The following KCNJ6 variants were observed in gnomAD, a reference collection of about 807,000 sequenced individuals.
KCNJ6 encodes potassium inwardly rectifying channel subfamily J member 6, also known as G protein-activated inward rectifier potassium channel 2.
A neutral mutation model predicts 34.2 loss-of-function variants in KCNJ6; 9 were observed. The ratio of observed to expected loss-of-function variants is 0.26; its 90% confidence interval spans 0.16 to 0.46. The LOEUF (loss-of-function observed/expected upper bound fraction) is 0.46. KCNJ6 is among the 20% of genes least tolerant of loss of function. KCNJ6 has a pLI of 1.00. For missense variants in KCNJ6, 236 were observed against 531.3 expected, an observed-to-expected ratio of 0.44 and a Z score of 5.46; for synonymous variants, 196 against 207.1, an observed-to-expected ratio of 0.95 and a Z score of 0.46.
intron 2 of KCNJ6, among the ~76,000 whole-genome samples, chr21:37,807,266 A>C (rs778307108): frequency 1.1e-4 from 17 of 152,192 alleles, no homozygotes; most frequent in Non-Finnish European, 2.4e-4. Flanking sequence ...TATGGTTGGG[A>C]ATGAGTTATT....
chr21:37,912,041 C>G (rs146104778), intron 1 of KCNJ6, among the ~76,000 whole-genome samples: 1 of 152,120 alleles, frequency 6.6e-6, no homozygotes, highest in East Asian at 1.9e-4. Flanking sequence ...CATGTAAGTC[C>G]TATGTATTAA....
At chr21:37,716,396 T>TA (rs35979394) in intron 2 of KCNJ6, among the ~76,000 whole-genome samples, 3 of 151,178 alleles carry the variant, frequency 2.0e-5, no homozygotes, top group African/African-American at 7.3e-5. Flanking sequence ...TTTTTTTTTT[T>TA]AGAGATAGGG....
chr21:37,638,641 G>A (rs1044248758), intron 3 of KCNJ6, among the ~76,000 whole-genome samples: 3 of 152,052 alleles, frequency 2.0e-5, no homozygotes, highest in Non-Finnish European at 4.4e-5. Flanking sequence ...TTCCTTTTAA[G>A]CCTGTCCATT....
At chr21:37,665,992 C>G (rs897787685) in intron 3 of KCNJ6, among the ~76,000 whole-genome samples, 7 of 152,166 alleles carry the variant, frequency 4.6e-5, no homozygotes, top group Non-Finnish European at 1.0e-4. Flanking sequence ...CAGCTAGTTG[C>G]TGGATTGGCT....
rs2123361583 is a variant in KCNJ6, at chr21:37,625,467, G to A, written c.964C>T (p.Arg322Ter). ...ATCTCACTGGTGATGTAGGAGCTTCGAGCTTGGCATGTCATCCCTGCAGAG... is the reference window on the plus strand; with the variant it reads ...ATCTCACTGGTGATGTAGGAGCTTCAAGCTTGGCATGTCATCCCTGCAGAG... ...VEATGMTCQA[R>*]SSYITSEILW... Residue 322 changes from arginine (R) to a stop codon, truncating the protein, a stop_gained, in exon 4 of 4, where the codon CGA (arginine) becomes TGA (stop). Transcript: ENST00000609713. LOFTEE classifies it high-confidence loss of function. 3 of 1,612,922 alleles carry A rather than the reference G, an allele frequency of 1.9e-6. No individual in the cohort carries two copies. Among genetic ancestry groups the A allele is most frequent in the Non-Finnish European group, 2.5e-6 (3 of 1,179,104 alleles).
At chr21:37,716,751 G>T (rs1007061356) in intron 2 of KCNJ6, among the ~76,000 whole-genome samples, 10 of 152,132 alleles carry the variant, frequency 6.6e-5, no homozygotes, top group Non-Finnish European at 1.5e-4. Flanking sequence ...CATTAGGAAA[G>T]CTCTCCTAAA....
chr21:37,836,712 G>A (rs2055453325), intron 2 of KCNJ6, among the ~76,000 whole-genome samples: 1 of 152,114 alleles, frequency 6.6e-6, no homozygotes, highest in South Asian at 2.1e-4. Flanking sequence ...GCACAGGGAG[G>A]GGAACATAAC....
intron 2 of KCNJ6, among the ~76,000 whole-genome samples, chr21:37,765,208 A>G (rs1191284594): frequency 6.6e-6 from 1 of 152,228 alleles, no homozygotes; most frequent in Non-Finnish European, 1.5e-5. Context: ...GAAACACTTC[A>G]TATGACATGC....
chr21:37,785,958 A>G (rs902144573), intron 2 of KCNJ6, among the ~76,000 whole-genome samples: 8 of 152,212 alleles, frequency 5.3e-5, no homozygotes, highest in African/African-American at 1.9e-4. Context: ...CTTTCCAGGG[A>G]CAGAATCTGC....
chr21:37,867,507 T>G (rs1302365127), intron 1 of KCNJ6, among the ~76,000 whole-genome samples: 1 of 152,260 alleles, frequency 6.6e-6, no homozygotes, highest in Non-Finnish European at 1.5e-5. Flanking sequence ...CTTTTATAGT[T>G]TTTTGAAGAA....
chr21:37,635,931 T>G (rs1364191797), intron 3 of KCNJ6, among the ~76,000 whole-genome samples: 1 of 152,278 alleles, frequency 6.6e-6, no homozygotes, highest in Non-Finnish European at 1.5e-5. Context: ...GGAAATTTTT[T>G]GTATTACACT....
intron 1 of KCNJ6, among the ~76,000 whole-genome samples, chr21:37,872,201 T>G (rs1302695725): frequency 6.6e-6 from 1 of 152,208 alleles, no homozygotes; most frequent in Non-Finnish European, 1.5e-5. Context: ...TTAACTAACG[T>G]GTGAAATGAC....
chr21:37,904,042 T>C (rs2055829728), intron 1 of KCNJ6, among the ~76,000 whole-genome samples: 1 of 152,188 alleles, frequency 6.6e-6, no homozygotes, highest in Admixed American at 6.5e-5. Context: ...TATTTGAAAA[T>C]GGCTGGTGGG....
chr21:37,857,807 A>C (rs1906112975), intron 1 of KCNJ6, among the ~76,000 whole-genome samples: 1 of 152,248 alleles, frequency 6.6e-6, no homozygotes, highest in Non-Finnish European at 1.5e-5. Context: ...CTAGAAAAGT[A>C]AGGTGACTAG....
chr21:37,773,036 T>C (rs990830320), intron 2 of KCNJ6, among the ~76,000 whole-genome samples: 3 of 152,348 alleles, frequency 2.0e-5, no homozygotes, highest in Non-Finnish European at 1.5e-5. Context: ...TCTAACACGA[T>C]AGCCATTCTC....
chr21:37,726,129 C>T (rs1374397377), intron 2 of KCNJ6, among the ~76,000 whole-genome samples: 1 of 152,160 alleles, frequency 6.6e-6, no homozygotes, highest in Non-Finnish European at 1.5e-5. Flanking sequence ...TGGTGTTGAA[C>T]TCCTGACCTC....
rs1047526834 is a variant in KCNJ6, at chr21:37,673,868, A to G, written c.946+40343T>C. Among the ~76,000 whole-genome samples, 3 of 152,190 alleles carry G rather than the reference A, an allele frequency of 2.0e-5. No individual in the cohort carries two copies. The East Asian group carries it at 5.8e-4, about 29-fold the overall frequency. ...TCTCATTGGGGCTCATCCTGGCTGC[A>G]CATCGGAGACACCTGGAGGAGCCTT... On this transcript the variant is annotated intron_variant, in intron 3 of 3. Transcript: ENST00000609713.
At chr21:37,720,747 C>T (rs2054821572) in intron 2 of KCNJ6, among the ~76,000 whole-genome samples, 1 of 149,202 alleles carries the variant, frequency 6.7e-6, no homozygotes, top group Admixed American at 6.7e-5. Context: ...GTCGCCCAGG[C>T]CGGACTGCGG....
chr21:37,913,060 T>C (rs1267658845), intron 1 of KCNJ6, among the ~76,000 whole-genome samples: 1 of 152,228 alleles, frequency 6.6e-6, no homozygotes, highest in Non-Finnish European at 1.5e-5. Context: ...AACACCTGGA[T>C]GGCACTCTGA....
Sources: gnomAD v4.1 joint callset for allele counts (sites outside exome capture counted in the v4.1 genomes callset) on GRCh38, gnomAD v4.1.1 for gene constraint, MANE v1.5 for transcripts, NCBI Gene and HGNC (gene_info 2026-07-23, HGNC 2026-07-21) for gene names.